FGGY: variants seen among roughly 807,000 people sequenced by gnomAD.
FGGY encodes FGGY carbohydrate kinase domain containing, also known as FGGY carbohydrate kinase domain-containing protein.
FGGY carries 72 observed loss-of-function variants against 71.3 expected under a neutral mutation model. The observed-to-expected ratio is 1.01, with a 90% CI of 0.84 to 1.23. The LOEUF is 1.23. Among genes scored for constraint, FGGY ranks in the 50% most tolerant of loss-of-function variants. The pLI, the probability that FGGY is intolerant of heterozygous loss-of-function variation, is 0.00. For missense variants in FGGY, 668 were observed against 682.3 expected, an observed-to-expected ratio of 0.98 and a Z score of 0.23; for synonymous variants, 251 against 250.3, an observed-to-expected ratio of 1.00 and a Z score of -0.02.
intron 8 of FGGY, among the ~76,000 whole-genome samples, chr1:59,563,370 A>G (rs2095824973): frequency 6.6e-6 from 1 of 152,194 alleles, no homozygotes; most frequent in South Asian, 2.1e-4. Flanking sequence ...GGTTTTTGTC[A>G]TTGGTTCTGT....
intron 7 of FGGY, among the ~76,000 whole-genome samples, chr1:59,512,834 T>A (rs2094550769): frequency 6.6e-6 from 1 of 152,230 alleles, no homozygotes; most frequent in African/African-American, 2.4e-5. Context: ...TTGGCTTATG[T>A]CCTGTATCCA....
intron 7 of FGGY, among the ~76,000 whole-genome samples, chr1:59,533,361 G>A (rs987661933): frequency 2.0e-5 from 3 of 152,342 alleles, no homozygotes; most frequent in Admixed American, 6.5e-5. Context: ...CGCCCACGGA[G>A]TCTCACTGAT....
chr1:59,629,482 A>G (rs376579263), intron 10 of FGGY, among the ~76,000 whole-genome samples: 1 of 152,200 alleles, frequency 6.6e-6, no homozygotes. Flanking sequence ...CATTAATTAC[A>G]ATTACCATTG....
intron 6 of FGGY, among the ~76,000 whole-genome samples, chr1:59,481,545 A>G (rs955275911): frequency 6.6e-6 from 1 of 152,142 alleles, no homozygotes; most frequent in Non-Finnish European, 1.5e-5. Flanking sequence ...GCATATTTAT[A>G]AAAAACGTGG....
intron 7 of FGGY, among the ~76,000 whole-genome samples, chr1:59,538,046 C>G (rs1040896888): frequency 6.6e-6 from 1 of 152,284 alleles, no homozygotes. Flanking sequence ...AAACTACCAT[C>G]AGACTGAACA....
chr1:59,541,757 A>G (rs1473072017), intron 7 of FGGY, among the ~76,000 whole-genome samples: 2 of 152,188 alleles, frequency 1.3e-5, no homozygotes, highest in African/African-American at 2.4e-5. Flanking sequence ...AAATATGTAC[A>G]GGGATACAGA....
At chr1:59,747,763 A>G (rs528471305) in intron 14 of FGGY, among the ~76,000 whole-genome samples, 3 of 152,364 alleles carry the variant, frequency 2.0e-5, no homozygotes, top group African/African-American at 7.2e-5. Flanking sequence ...TAAGCACAAT[A>G]TAATGACCAT....
chr1:59,379,221 T>A (rs892154627), intron 5 of FGGY, among the ~76,000 whole-genome samples: 5 of 139,962 alleles, frequency 3.6e-5, no homozygotes, highest in African/African-American at 1.3e-4. Context: ...AGGACAGGGA[T>A]ACATTCAGAG....
At chr1:59,505,394 A>C (rs1449579063) in intron 6 of FGGY, among the ~76,000 whole-genome samples, 1 of 152,172 alleles carries the variant, frequency 6.6e-6, no homozygotes, top group Admixed American at 6.5e-5. Context: ...CCCCACCCCT[A>C]AACCAGATTG....
intron 4 of FGGY, among the ~76,000 whole-genome samples, chr1:59,363,733 G>A (rs2056057920): frequency 6.6e-6 from 1 of 152,214 alleles, no homozygotes; most frequent in South Asian, 2.1e-4. Flanking sequence ...TGAGGCTAAA[G>A]AGGCAGCCAG....
At chr1:59,578,791 C>G (rs1384948020) in intron 8 of FGGY, among the ~76,000 whole-genome samples, 3 of 152,084 alleles carry the variant, frequency 2.0e-5, no homozygotes, top group Non-Finnish European at 4.4e-5. Flanking sequence ...AGAACACACA[C>G]AAGGCTGGGG....
chr1:59,599,723 T>A (rs1301774119), intron 8 of FGGY, among the ~76,000 whole-genome samples: 2 of 150,112 alleles, frequency 1.3e-5, no homozygotes, highest in African/African-American at 2.4e-5. Context: ...ATGTATAAGT[T>A]AGCTAGGGGA....
At chr1:59,448,142 C>G (rs1307241556) in intron 5 of FGGY, among the ~76,000 whole-genome samples, 2 of 151,964 alleles carry the variant, frequency 1.3e-5, no homozygotes, top group Non-Finnish European at 2.9e-5. Flanking sequence ...GTTACTACTA[C>G]CATGGTTTTT....
intron 4 of FGGY, among the ~76,000 whole-genome samples, chr1:59,360,050 A>C: frequency 6.6e-6 from 1 of 152,070 alleles, no homozygotes; most frequent in Admixed American, 6.5e-5. Context: ...GCAATTAGGA[A>C]ATACAGTCTC....
In FGGY at chr1:59,664,808, C is replaced by T. The variant is rs536561266; in HGVS notation, c.1297-2475C>T. On this transcript the variant is annotated intron_variant, in intron 12 of 15. Coordinates refer to ENST00000303721, the MANE Select transcript of FGGY (RefSeq NM_018291.5). The stretch of plus-strand genomic sequence containing the variant: ...GTTTTACCTTTGCTGCCTACAGCAG[C>T]AGACTTGTATGGTAGGTATTACTAG... Among the ~76,000 whole-genome samples, 6 of 152,296 alleles carry T rather than the reference C, an allele frequency of 3.9e-5. No individual in the cohort carries two copies. In the South Asian group the frequency reaches 1.2e-3, roughly 32 times the overall value.
chr1:59,667,999 G>A (rs985312113), intron 13 of FGGY, among the ~76,000 whole-genome samples: 1 of 152,186 alleles, frequency 6.6e-6, no homozygotes, highest in Non-Finnish European at 1.5e-5. Flanking sequence ...GGATCTGTGG[G>A]TATGATTGCA....
upstream of FGGY, chr1:59,296,747 A>G (rs560928978): frequency 4.6e-3 from 632 of 138,432 alleles, 15 homozygotes; most frequent in African/African-American, 0.016. Flanking sequence ...CGCGCTTTAC[A>G]GGGGCCGCGC....
chr1:59,700,721 CACA>C (rs1470708779), intron 14 of FGGY, among the ~76,000 whole-genome samples: 48 of 152,104 alleles, frequency 3.2e-4, no homozygotes, highest in Admixed American at 3.1e-3. Context: ...AAACAGCAAT[CACA>C]ACAAGTAATA....
At chr1:59,577,478 C>T (rs1309309849) in intron 8 of FGGY, among the ~76,000 whole-genome samples, 1 of 151,690 alleles carries the variant, frequency 6.6e-6, no homozygotes, top group African/African-American at 2.4e-5. Context: ...TGGTGTGTGA[C>T]TAGAGGGTTC....
Sources: gnomAD v4.1 joint callset for allele counts (sites outside exome capture counted in the v4.1 genomes callset) on GRCh38, gnomAD v4.1.1 for gene constraint, MANE v1.5 for transcripts, NCBI Gene and HGNC (gene_info 2026-07-23, HGNC 2026-07-21) for gene names.